The following DPYD variants were observed in gnomAD, a reference collection of about 807,000 sequenced individuals.
DPYD encodes the protein dihydropyrimidine dehydrogenase.
A neutral mutation model predicts 116.2 loss-of-function variants in DPYD; 109 were observed. The ratio of observed to expected loss-of-function variants is 0.94; its 90% CI spans 0.80 to 1.10. The LOEUF is 1.10. DPYD is among the 50% of genes least tolerant of loss of function. The pLI, the probability that DPYD is intolerant of heterozygous loss-of-function variation, is 0.00. For synonymous variants in DPYD, 440 were observed against 432.0 expected, an observed-to-expected ratio of 1.02 and a Z score of -0.23; for missense variants, 1,302 against 1,254.5, an observed-to-expected ratio of 1.04 and a Z score of -0.57.
At chr1:97,656,608 G>A (rs1398890715) in intron 8 of DPYD, among the ~76,000 whole-genome samples, 1 of 151,986 alleles carries the variant, frequency 6.6e-6, no homozygotes, top group Non-Finnish European at 1.5e-5. Context: ...TGTCATTTCT[G>A]CTCCTTTCTA....
chr1:97,201,972 C>T (rs1461090054), intron 19 of DPYD, among the ~76,000 whole-genome samples: 1 of 151,752 alleles, frequency 6.6e-6, no homozygotes, highest in East Asian at 1.9e-4. Context: ...CTTGTTTCCC[C>T]CAAAAGGAGA....
chr1:97,405,602 G>T (rs914353612), intron 14 of DPYD, among the ~76,000 whole-genome samples: 1 of 151,864 alleles, frequency 6.6e-6, no homozygotes, highest in African/African-American at 2.4e-5. Flanking sequence ...GGCAACCTCT[G>T]CCTCCCAGGT....
At chr1:97,104,458 A>C (rs2101609875) in intron 20 of DPYD, among the ~76,000 whole-genome samples, 1 of 152,212 alleles carries the variant, frequency 6.6e-6, no homozygotes, top group Admixed American at 6.5e-5. Context: ...GTGTGACCTT[A>C]AAGAGACTAT....
chr1:97,529,751 CCTTT>C lies in DPYD; in HGVS notation c.1525-13814_1525-13811del, dbSNP rs781470193. On this transcript the variant is annotated intron_variant, in intron 12 of 22. Transcript: ENST00000370192. ...TTTCCTTTCTTTCCTTCTTTCCCTT[CCTTT>C]CTTTCTTTCTCTTTCTTCTTTCTTT... Among the ~76,000 whole-genome samples, 369 of 134,028 alleles carry C rather than the reference CCTTT, an allele frequency of 2.8e-3. 1 individual carries two copies. The highest frequency in any genetic ancestry group is 0.022 in the Middle Eastern group (6 of 270). 87.9% of individuals were successfully genotyped at this position (134,028 alleles called of 152,430 possible).
chr1:97,646,144 T>C (rs1204927072), intron 8 of DPYD, among the ~76,000 whole-genome samples: 1 of 152,104 alleles, frequency 6.6e-6, no homozygotes, highest in Non-Finnish European at 1.5e-5. Flanking sequence ...TTCAAACATT[T>C]CATTTCACAC....
intron 8 of DPYD, among the ~76,000 whole-genome samples, chr1:97,602,258 T>G (rs1655297443): frequency 6.6e-6 from 1 of 152,050 alleles, no homozygotes; most frequent in Admixed American, 6.5e-5. Context: ...AAATAATTTT[T>G]ATGAAGTTAT....
intron 3 of DPYD, among the ~76,000 whole-genome samples, chr1:97,784,099 AT>A (rs1472511629): frequency 2.0e-5 from 3 of 152,086 alleles, no homozygotes; most frequent in African/African-American, 7.2e-5. Flanking sequence ...CAGCCATCTA[AT>A]ATGCAATACT....
At chr1:97,457,391 TA>T (rs1274424881) in intron 13 of DPYD, among the ~76,000 whole-genome samples, 2 of 152,166 alleles carry the variant, frequency 1.3e-5, no homozygotes, top group Non-Finnish European at 2.9e-5. Flanking sequence ...GTCTGACTGA[TA>T]AAAATACTGG....
intron 18 of DPYD, among the ~76,000 whole-genome samples, chr1:97,296,960 G>T (rs889101807): frequency 6.6e-6 from 1 of 152,060 alleles, no homozygotes; most frequent in Non-Finnish European, 1.5e-5. Context: ...TTCATTTAAA[G>T]AATTCATATT....
chr1:97,520,127 T>G (rs1167906383), intron 12 of DPYD, among the ~76,000 whole-genome samples: 1 of 152,204 alleles, frequency 6.6e-6, no homozygotes, highest in Admixed American at 6.5e-5. Flanking sequence ...AATGTTCATA[T>G]AGAACTATTT....
At chr1:97,522,752 T>A (rs1487823006) in intron 12 of DPYD, among the ~76,000 whole-genome samples, 1 of 151,996 alleles carries the variant, frequency 6.6e-6, no homozygotes, top group East Asian at 1.9e-4. Context: ...ATAAAATACT[T>A]ATTCTTGAAG....
intron 13 of DPYD, among the ~76,000 whole-genome samples, chr1:97,469,541 G>T (rs1310190157): frequency 5.3e-5 from 8 of 151,722 alleles, no homozygotes; most frequent in Non-Finnish European, 1.2e-4. Context: ...TAGAACAATA[G>T]GTATAAGCAT....
intron 3 of DPYD, among the ~76,000 whole-genome samples, chr1:97,806,645 A>T (rs1668091048): frequency 6.6e-6 from 1 of 151,972 alleles, no homozygotes; most frequent in South Asian, 2.1e-4. Context: ...TATTACAATG[A>T]TGAACTAACA....
intron 12 of DPYD, among the ~76,000 whole-genome samples, chr1:97,516,379 G>A (rs752072026): frequency 2.6e-5 from 4 of 151,910 alleles, no homozygotes; most frequent in African/African-American, 7.2e-5. Flanking sequence ...TTTAGGAAAG[G>A]GAACTAATAA....
chr1:97,838,041 T>C (rs1207988765), intron 2 of DPYD, among the ~76,000 whole-genome samples: 1 of 152,176 alleles, frequency 6.6e-6, no homozygotes, highest in Non-Finnish European at 1.5e-5. Flanking sequence ...AAAAAGAATT[T>C]TTTGACTTTC....
At chr1:97,516,945 T>C (rs182820931) in intron 12 of DPYD, among the ~76,000 whole-genome samples, 4 of 152,206 alleles carry the variant, frequency 2.6e-5, no homozygotes, top group African/African-American at 7.2e-5. Context: ...AATTCAAAAG[T>C]AGAAATCCAT....
At chr1:97,251,807 ATCAC>A (rs1663120386) in intron 18 of DPYD, among the ~76,000 whole-genome samples, 1 of 152,188 alleles carries the variant, frequency 6.6e-6, no homozygotes, top group African/African-American at 2.4e-5. Flanking sequence ...CATGCTAAAA[ATCAC>A]TCTATTTAGA....
chr1:97,643,864 A>G (rs1020353791), intron 8 of DPYD, among the ~76,000 whole-genome samples: 3 of 152,084 alleles, frequency 2.0e-5, no homozygotes, highest in Admixed American at 6.6e-5. Context: ...GTTCTCACTC[A>G]TAAGTGGGAG....
At chr1:97,748,202 C>A (rs1431303517) in intron 3 of DPYD, among the ~76,000 whole-genome samples, 1 of 151,958 alleles carries the variant, frequency 6.6e-6, no homozygotes, top group Non-Finnish European at 1.5e-5. Context: ...GAGACGCCTT[C>A]TTAGATAGAG....
Sources: allele counts gnomAD v4.1 joint callset (sites outside exome capture counted in the v4.1 genomes callset), GRCh38; gene constraint gnomAD v4.1.1; transcripts MANE v1.5; gene names NCBI Gene and HGNC (gene_info 2026-07-23, HGNC 2026-07-21).